The following TMEM178B variants were observed in gnomAD, a reference collection of about 807,000 sequenced individuals.
TMEM178B encodes transmembrane protein 178B.
TMEM178B carries 5 observed loss-of-function variants against 31.0 expected under a neutral mutation model. The ratio of observed to expected loss-of-function variants is 0.16; its 90% CI spans 0.08 to 0.34. TMEM178B has a LOEUF of 0.34. Among genes scored for constraint, TMEM178B ranks in the 10% least tolerant of loss-of-function variants. The pLI is 1.00. For missense variants in TMEM178B, 275 were observed against 400.3 expected (o/e 0.69, Z 2.67); for synonymous variants, 164 against 164.0 (o/e 1.00, Z 0.00).
intron 3 of TMEM178B, among the ~76,000 whole-genome samples, chr7:141,468,010 A>G (rs116150406): frequency 0.011 from 1,648 of 152,008 alleles, 31 homozygotes; most frequent in African/African-American, 0.038. Context: ...ATAAAATAAA[A>G]CAAAGTGTTG....
intron 3 of TMEM178B, among the ~76,000 whole-genome samples, chr7:141,453,326 G>A (rs1386327612): frequency 6.6e-6 from 1 of 152,150 alleles, no homozygotes; most frequent in Non-Finnish European, 1.5e-5. Context: ...TCTTGGCCTT[G>A]GGTCCTTTCT....
At chr7:141,400,000 G>A (rs1013764364) in intron 2 of TMEM178B, among the ~76,000 whole-genome samples, 8 of 152,140 alleles carry the variant, frequency 5.3e-5, no homozygotes, top group African/African-American at 1.9e-4. Context: ...AGTCTCCCAT[G>A]TGTCAAACTC....
chr7:141,183,876 C>T (rs1430865118), intron 1 of TMEM178B, among the ~76,000 whole-genome samples: 2 of 152,198 alleles, frequency 1.3e-5, no homozygotes, highest in Admixed American at 6.5e-5. Context: ...GGAATTAGCC[C>T]CGGCATGCGG....
intron 2 of TMEM178B, among the ~76,000 whole-genome samples, chr7:141,299,091 G>A (rs758040243): frequency 2.6e-5 from 4 of 152,168 alleles, no homozygotes; most frequent in East Asian, 1.9e-4. Flanking sequence ...GAGCTGCCTC[G>A]TAGTGGTGGT....
At chr7:141,198,870 C>T (rs1401365962) in intron 1 of TMEM178B, among the ~76,000 whole-genome samples, 1 of 152,240 alleles carries the variant, frequency 6.6e-6, no homozygotes, top group East Asian at 1.9e-4. Context: ...GGGCCGCAGG[C>T]AGGGTGGTGG....
intron 2 of TMEM178B, among the ~76,000 whole-genome samples, chr7:141,433,531 C>T (rs564631549): frequency 2.6e-4 from 40 of 152,300 alleles, no homozygotes; most frequent in African/African-American, 9.1e-4. Context: ...TAAGAAATCT[C>T]TTAACTGTAG....
At chr7:141,241,463 G>A (rs1797617519) in intron 2 of TMEM178B, among the ~76,000 whole-genome samples, 1 of 151,666 alleles carries the variant, frequency 6.6e-6, no homozygotes, top group Admixed American at 6.6e-5. Flanking sequence ...GTGGTGGCAG[G>A]CCTATAATCC....
At chr7:141,418,156 A>G (rs1290065091) in intron 2 of TMEM178B, among the ~76,000 whole-genome samples, 1 of 152,202 alleles carries the variant, frequency 6.6e-6, no homozygotes. Flanking sequence ...CTTAAGTCTT[A>G]CATCCTTTAT....
At chr7:141,090,736 G>A (rs573647379) in intron 1 of TMEM178B, among the ~76,000 whole-genome samples, 4 of 152,258 alleles carry the variant, frequency 2.6e-5, no homozygotes, top group African/African-American at 7.2e-5. Context: ...CCCCATAGGG[G>A]GATTCAGGGA....
At chr7:141,086,695 C>CTTTA (rs1018583840) in intron 1 of TMEM178B, among the ~76,000 whole-genome samples, 10 of 152,156 alleles carry the variant, frequency 6.6e-5, no homozygotes, top group Non-Finnish European at 1.3e-4. Context: ...ATCTGTGATA[C>CTTTA]TTTATTTATT....
At chr7:141,278,665 A>G (rs575930867) in intron 2 of TMEM178B, among the ~76,000 whole-genome samples, 1 of 152,278 alleles carries the variant, frequency 6.6e-6, no homozygotes, top group East Asian at 1.9e-4. Flanking sequence ...AAGGGTCTAG[A>G]AATCATGTTG....
chr7:141,169,248 A>G (rs549521510), intron 1 of TMEM178B, among the ~76,000 whole-genome samples: 1 of 152,284 alleles, frequency 6.6e-6, no homozygotes, highest in East Asian at 1.9e-4. Flanking sequence ...CTATGTGTCC[A>G]TGTATTCTCA....
At chr7:141,343,963 T>G in intron 2 of TMEM178B, among the ~76,000 whole-genome samples, 1 of 152,206 alleles carries the variant, frequency 6.6e-6, no homozygotes, top group East Asian at 1.9e-4. Flanking sequence ...TCTTGGCCTG[T>G]GATTCTCAAA....
At chr7:141,419,697 A>G (rs17576909) in intron 2 of TMEM178B, among the ~76,000 whole-genome samples, 43,314 of 152,100 alleles carry the variant, frequency 0.28, 6,592 homozygotes, top group Non-Finnish European at 0.33. Flanking sequence ...GTGATTGACC[A>G]AGTGAATTCC....
At position 141,074,273 on chromosome 7, in the gene TMEM178B, G is replaced by A; in HGVS notation, c.-38G>A. Reference sequence around the variant, plus strand: ...GTGCGGCGAGGGAAGGCGAGGCTGCGGCGGATCATGCCCATGGTGTAGCCG... The same window carrying A: ...GTGCGGCGAGGGAAGGCGAGGCTGCAGCGGATCATGCCCATGGTGTAGCCG... On this transcript the variant is annotated 5_prime_UTR_variant, in exon 1 of 4. Transcript: ENST00000565468. The surrounding 1 kb of genome is among the most constrained non-coding windows in gnomAD (Gnocchi z 5.1). The A allele has an allele frequency of 1.4e-6, 2 of 1,464,960 alleles. No homozygotes were observed. Among genetic ancestry groups the A allele is most frequent in the Non-Finnish European group, 9.0e-7 (1 of 1,109,896 alleles). 90.7% of individuals were successfully genotyped at this position (1,464,960 alleles called of 1,614,324 possible). A position where few individuals can be genotyped will look rare whatever the true frequency, so the allele number is the denominator to read the frequency against.
At position 141,472,757 on chromosome 7, in the gene TMEM178B, T is replaced by G. The variant is rs1802269543; in HGVS notation, c.*1971T>G. 1 of 152,306 alleles carries G rather than the reference T, an allele frequency of 6.6e-6. No homozygotes were observed. 9.4% of individuals were successfully genotyped at this position (152,306 alleles called of 1,614,324 possible). A position where few individuals can be genotyped will look rare whatever the true frequency, so the allele number is the denominator to read the frequency against. ...ACCTACTAACCACTTACCTTCTCTC[T>G]CTTCTATCTTCCACCCTCATCTGCT... On this transcript the variant is annotated 3_prime_UTR_variant, in exon 4 of 4. Coordinates refer to ENST00000565468, the MANE Select transcript of TMEM178B (RefSeq NM_001195278.2).
At chr7:141,201,766 T>C (rs556585879) in intron 1 of TMEM178B, among the ~76,000 whole-genome samples, 2 of 152,204 alleles carry the variant, frequency 1.3e-5, no homozygotes, top group South Asian at 4.1e-4. Flanking sequence ...AGGAGCTATC[T>C]TCTCTCCAGC....
the TMEM178B span, among the ~76,000 whole-genome samples, chr7:141,498,620 T>G: frequency 1.3e-5 from 2 of 152,208 alleles, no homozygotes; most frequent in Non-Finnish European, 2.9e-5. Context: ...GGTGGCTGTG[T>G]TTGATAGTTA....
At position 141,372,083 on chromosome 7, in the gene TMEM178B, G is replaced by A. The variant is rs570001675; in HGVS notation, c.497-65525G>A. Reference sequence around the variant, plus strand: ...TACAGAGAGTTGCCTTCTCCTCACTGGTACCAGTTGCTCTACTTCGTTTCC... The same window carrying A: ...TACAGAGAGTTGCCTTCTCCTCACTAGTACCAGTTGCTCTACTTCGTTTCC... On this transcript the variant is annotated intron_variant, in intron 2 of 3. Coordinates refer to ENST00000565468, the MANE Select transcript of TMEM178B (RefSeq NM_001195278.2). 2.0e-5 allele frequency among the ~76,000 whole-genome samples: 3 copies of A among 152,194 alleles called. No individual in the cohort carries two copies. The South Asian group carries it at 6.2e-4, about 32-fold the overall frequency.
Sources: gnomAD v4.1 joint callset for allele counts (sites outside exome capture counted in the v4.1 genomes callset) on GRCh38, gnomAD v4.1.1 for gene constraint, Gnocchi (gnomAD v3.1) non-coding constraint, MANE v1.5 for transcripts, NCBI Gene and HGNC (gene_info 2026-07-23, HGNC 2026-07-21) for gene names.